The following ADCY2 variants were observed in gnomAD, a reference collection of about 807,000 sequenced individuals.
The protein encoded by ADCY2 is adenylate cyclase type 2.
ADCY2 carries 31 observed loss-of-function variants against 125.2 expected under a neutral mutation model. That is an observed-to-expected ratio of 0.25 (90% CI 0.19 to 0.33). ADCY2 has a LOEUF of 0.33. Among genes scored for constraint, ADCY2 ranks in the 10% least tolerant of loss-of-function variants. The pLI is 1.00. For missense variants in ADCY2, 904 were observed against 1,418.2 expected (o/e 0.64, Z 5.82); for synonymous variants, 512 against 548.4 (o/e 0.93, Z 0.93).
chr5:7,739,635 A>C (rs562222694), intron 14 of ADCY2, among the ~76,000 whole-genome samples: 1 of 150,406 alleles, frequency 6.6e-6, no homozygotes, highest in African/African-American at 2.5e-5. Flanking sequence ...GCTCTTTGAA[A>C]AAGACTGAAA....
chr5:7,589,196 A>C (rs73048181), intron 3 of ADCY2, among the ~76,000 whole-genome samples: 5,303 of 152,138 alleles, frequency 0.035, 283 homozygotes, highest in African/African-American at 0.12. Context: ...ATTCACCCTA[A>C]TTTATTTTCT....
At chr5:7,455,605 G>A (rs1020391626) in intron 2 of ADCY2, among the ~76,000 whole-genome samples, 1 of 146,104 alleles carries the variant, frequency 6.8e-6, no homozygotes, top group East Asian at 2.0e-4. Flanking sequence ...TTATAATTAT[G>A]TATTTGTTAT....
chr5:7,494,688 C>T (rs887719842), intron 2 of ADCY2, among the ~76,000 whole-genome samples: 1 of 152,134 alleles, frequency 6.6e-6, no homozygotes, highest in Non-Finnish European at 1.5e-5. Context: ...AGACTCTCAG[C>T]TCCATTTTAA....
chr5:7,480,389 G>T (rs1489523309), intron 2 of ADCY2, among the ~76,000 whole-genome samples: 1 of 152,010 alleles, frequency 6.6e-6, no homozygotes, highest in Non-Finnish European at 1.5e-5. Flanking sequence ...AAGAAAATAT[G>T]GTACATATGT....
chr5:7,456,506 A>C (rs1420918052), intron 2 of ADCY2, among the ~76,000 whole-genome samples: 1 of 152,238 alleles, frequency 6.6e-6, no homozygotes, highest in African/African-American at 2.4e-5. Context: ...GATGGCATCA[A>C]TAACATGAAT....
intron 18 of ADCY2, among the ~76,000 whole-genome samples, chr5:7,779,298 C>T (rs953642971): frequency 5.9e-5 from 9 of 152,134 alleles, no homozygotes; most frequent in Non-Finnish European, 1.0e-4. Context: ...GGAAGAAACT[C>T]GATATTTAGG....
intron 18 of ADCY2, among the ~76,000 whole-genome samples, chr5:7,777,814 T>C (rs1285309366): frequency 6.6e-6 from 1 of 152,162 alleles, no homozygotes; most frequent in Non-Finnish European, 1.5e-5. Context: ...TTTAAGACAT[T>C]CTTACACATT....
intron 3 of ADCY2, among the ~76,000 whole-genome samples, chr5:7,568,437 T>G (rs915644611): frequency 1.3e-5 from 2 of 152,190 alleles, no homozygotes; most frequent in Non-Finnish European, 2.9e-5. Context: ...CAGCCCTTTT[T>G]TTTTTAAAGT....
chr5:7,724,896 A>G (rs1426221442), intron 13 of ADCY2, among the ~76,000 whole-genome samples: 2 of 152,172 alleles, frequency 1.3e-5, no homozygotes, highest in African/African-American at 4.8e-5. Context: ...GATGTGGGAG[A>G]TATCTACTCT....
At chr5:7,512,541 G>A (rs1744106909) in intron 2 of ADCY2, among the ~76,000 whole-genome samples, 1 of 152,044 alleles carries the variant, frequency 6.6e-6, no homozygotes, top group South Asian at 2.1e-4. Flanking sequence ...AAATGAGATG[G>A]GAGAGAGTAC....
chr5:7,824,041 G>A (rs1374856630), intron 24 of ADCY2, among the ~76,000 whole-genome samples: 2 of 152,172 alleles, frequency 1.3e-5, no homozygotes, highest in African/African-American at 4.8e-5. Context: ...ATTTGGGTAA[G>A]TTTTTAATCC....
intron 2 of ADCY2, among the ~76,000 whole-genome samples, chr5:7,505,604 T>G (rs1007366942): frequency 4.3e-4 from 66 of 152,336 alleles, no homozygotes; most frequent in Non-Finnish European, 8.8e-5. Context: ...ATAATTCATG[T>G]TCGTAGCTCA....
At chr5:7,567,550 G>T (rs2126595750) in intron 3 of ADCY2, among the ~76,000 whole-genome samples, 1 of 152,182 alleles carries the variant, frequency 6.6e-6, no homozygotes, top group Non-Finnish European at 1.5e-5. Flanking sequence ...TTTGTGTGAA[G>T]TATAAATTTT....
At chr5:7,422,807 T>A (rs1007476282) in intron 2 of ADCY2, among the ~76,000 whole-genome samples, 1 of 152,212 alleles carries the variant, frequency 6.6e-6, no homozygotes, top group Non-Finnish European at 1.5e-5. Flanking sequence ...AACATCTTTT[T>A]TTATTGAAAA....
chr5:7,608,279 C>G (rs1007717953), intron 3 of ADCY2, among the ~76,000 whole-genome samples: 1 of 152,136 alleles, frequency 6.6e-6, no homozygotes, highest in Non-Finnish European at 1.5e-5. Flanking sequence ...AGTTGGAGGG[C>G]TGATTTAAAT....
chr5:7,664,810 C>T (rs563799934), intron 4 of ADCY2, among the ~76,000 whole-genome samples: 52 of 152,260 alleles, frequency 3.4e-4, no homozygotes, highest in Admixed American at 9.8e-4. Context: ...TTACAACCTG[C>T]GCTCTCTCTG....
At chr5:7,562,853 A>C (rs10045340) in intron 3 of ADCY2, among the ~76,000 whole-genome samples, 10,699 of 152,110 alleles carry the variant, frequency 0.07, 1,228 homozygotes, top group African/African-American at 0.24. Flanking sequence ...ATCAGATTTT[A>C]TTTTCTCTAT....
intron 20 of ADCY2, 27 bp downstream of exon 20, chr5:7,789,827 G>T: frequency 1.4e-6 from 2 of 1,460,310 alleles, no homozygotes; most frequent in South Asian, 1.3e-5. Context: ...TGGGGGCTGG[G>T]GGAGGGGGCT....
intron 4 of ADCY2, among the ~76,000 whole-genome samples, chr5:7,671,736 C>T (rs2914301): frequency 0.97 from 147,796 of 152,292 alleles, 71,834 homozygotes; most frequent in Non-Finnish European, 1. Flanking sequence ...GAATTAGCTA[C>T]TGAGTGGGGA....
Sources: gnomAD v4.1 joint callset for allele counts (sites outside exome capture counted in the v4.1 genomes callset) on GRCh38, gnomAD v4.1.1 for gene constraint, MANE v1.5 for transcripts, NCBI Gene and HGNC (gene_info 2026-07-23, HGNC 2026-07-21) for gene names.